METAP2: variants seen among roughly 807,000 people sequenced by gnomAD.
METAP2 encodes methionyl aminopeptidase 2, also known as methionine aminopeptidase 2.
Under a neutral mutation model 59.4 loss-of-function variants are expected in METAP2, and 25 were observed. That is an observed-to-expected ratio of 0.42 (90% CI 0.31 to 0.59). The LOEUF (loss-of-function observed/expected upper bound fraction) is 0.59, where lower values mean the gene tolerates loss of function less well. Ranked by LOEUF, METAP2 falls within the 20% of genes least tolerant of loss-of-function variation. The pLI, the probability that METAP2 is intolerant of heterozygous loss-of-function variation, is 0.16. For synonymous variants in METAP2, 214 were observed against 194.1 expected (o/e 1.10, Z -0.85); for missense variants, 366 against 581.2 (o/e 0.63, Z 3.81).
chr12:95,494,416 T>G (rs2076262459), intron 5 of METAP2, among the ~76,000 whole-genome samples, 199 bp downstream of exon 5: 1 of 152,214 alleles, frequency 6.6e-6, no homozygotes. Context: ...GCCACCCTTT[T>G]GTGTGCACAT....
intron 7 of METAP2, among the ~76,000 whole-genome samples, chr12:95,502,560 G>T (rs1301056792): frequency 2.6e-5 from 4 of 151,746 alleles, no homozygotes; most frequent in Non-Finnish European, 4.4e-5. Context: ...GTGTGGGGGG[G>T]TTTCTTTGAG....
Position 95,513,682 on chromosome 12 carries a change from C to T in METAP2, c.1215C>T (p.Val405=). The T allele has an allele frequency of 1.2e-6, 2 of 1,614,116 alleles. No individual in the cohort carries two copies. Among genetic ancestry groups the T allele is most frequent in the Non-Finnish European group, 1.7e-6 (2 of 1,179,994 alleles). Residue 405 remains valine, a synonymous_variant, in exon 11 of 11, where the codon GTC becomes GTT. Coordinates refer to ENST00000323666, the MANE Select transcript of METAP2 (RefSeq NM_006838.4). ...RLPRTKHLLN[V]INENFGTLAF... Reference sequence around the variant, plus strand: ...CAAGAACAAAACACTTGTTAAATGTCATCAATGAAAACTTTGGAACCCTTG... The same window carrying T: ...CAAGAACAAAACACTTGTTAAATGTTATCAATGAAAACTTTGGAACCCTTG...
intron 6 of METAP2, 106 bp downstream of exon 6, chr12:95,495,244 T>C (rs547519161): frequency 1.1e-6 from 1 of 939,840 alleles, no homozygotes; most frequent in South Asian, 2.1e-5. Context: ...TTGTTCTTGC[T>C]TCCTCATTTC....
chr12:95,490,240 T>C (rs2076227278), intron 4 of METAP2, among the ~76,000 whole-genome samples: 1 of 151,252 alleles, frequency 6.6e-6, no homozygotes, highest in Admixed American at 6.6e-5. Context: ...GTGTTGGGAT[T>C]ACAGGCGTGT....
intron 9 of METAP2, among the ~76,000 whole-genome samples, chr12:95,512,516 A>G (rs1295851360): frequency 6.6e-6 from 1 of 152,188 alleles, no homozygotes; most frequent in Non-Finnish European, 1.5e-5. Context: ...GTTTGAGACC[A>G]TCCTGGCCAA....
At chr12:95,486,057 C>T (rs2076194269) in intron 4 of METAP2, 76 bp downstream of exon 4, 1 of 1,038,344 alleles carries the variant, frequency 9.6e-7, no homozygotes, top group Non-Finnish European at 1.4e-6. Flanking sequence ...TGACATTTCT[C>T]AGAACTTTGC....
chr12:95,485,529 G>A (rs1466644176), intron 3 of METAP2, among the ~76,000 whole-genome samples: 1 of 151,398 alleles, frequency 6.6e-6, no homozygotes, highest in African/African-American at 2.4e-5. Context: ...TATTGCTATA[G>A]GACTTCTTAC....
intron 10 of METAP2, 113 bp from the exon 11 acceptor site, chr12:95,513,539 A>C: frequency 8.2e-7 from 1 of 1,216,828 alleles, no homozygotes; most frequent in South Asian, 1.5e-5. Context: ...GCAACAATAA[A>C]AGTTTTTGGA....
At chr12:95,498,384 G>T (rs2076290943) in intron 7 of METAP2, among the ~76,000 whole-genome samples, 1 of 151,764 alleles carries the variant, frequency 6.6e-6, no homozygotes, top group Non-Finnish European at 1.5e-5. Flanking sequence ...TTCTCATATT[G>T]TGGGTTACCT....
At chr12:95,496,151 T>C in intron 7 of METAP2, 53 bp downstream of exon 7, 1 of 1,180,900 alleles carries the variant, frequency 8.5e-7, no homozygotes, top group African/African-American at 1.5e-5. Context: ...CACTTTAAGG[T>C]CTTTTAAACA....
At chr12:95,476,278 G>A (rs758399029) in intron 2 of METAP2, 100 bp downstream of exon 2, 24 of 654,620 alleles carry the variant, frequency 3.7e-5, no homozygotes, top group African/African-American at 1.7e-4. Context: ...AGGTCGAGGC[G>A]GGTGGATTAC....
intron 4 of METAP2, among the ~76,000 whole-genome samples, chr12:95,491,366 A>G (rs1283877421): frequency 6.6e-6 from 1 of 152,170 alleles, no homozygotes; most frequent in African/African-American, 2.4e-5. Flanking sequence ...AGGTGATACT[A>G]TTCTGTAAGA....
At chr12:95,505,530 G>T (rs1270566320) in intron 8 of METAP2, among the ~76,000 whole-genome samples, 2 of 152,074 alleles carry the variant, frequency 1.3e-5, no homozygotes, top group Middle Eastern at 3.4e-3. Context: ...CTGTCACCCA[G>T]GCTGGAGTGC....
intron 7 of METAP2, 109 bp downstream of exon 7, chr12:95,496,207 G>A (rs111375610): frequency 2.1e-5 from 13 of 609,894 alleles, no homozygotes; most frequent in African/African-American, 1.9e-4. Context: ...AGGGCTTTGG[G>A]TAATTAAGAG....
chr12:95,512,325 T>C (rs1348914427), intron 9 of METAP2, among the ~76,000 whole-genome samples: 1 of 152,004 alleles, frequency 6.6e-6, no homozygotes, highest in Non-Finnish European at 1.5e-5. Flanking sequence ...GACCAAAAAG[T>C]GCTAAGGAGA....
Position 95,502,315 on chromosome 12 carries a change from T to C in METAP2, c.868-1750T>C, listed in dbSNP as rs78060861. Among the ~76,000 whole-genome samples the C allele has an allele frequency of 5.8e-3, 889 of 152,298 alleles. 9 individuals carry two copies. Among genetic ancestry groups the C allele is most frequent in the African/African-American group, 0.02 (845 of 41,562 alleles). The stretch of plus-strand genomic sequence containing the variant: ...GCCACCACGCCTAGCCTGATTTCTT[T>C]CTCACTTTTGAAGGACAGTTTTCCC... On this transcript the variant is annotated intron_variant, in intron 7 of 10. Coordinates refer to ENST00000323666, the MANE Select transcript of METAP2 (RefSeq NM_006838.4).
chr12:95,483,070 C>A, intron 2 of METAP2, 145 bp from the exon 3 acceptor site: 1 of 706,804 alleles, frequency 1.4e-6, no homozygotes, highest in Non-Finnish European at 2.5e-6. Flanking sequence ...TTTCTTATTT[C>A]AGTGAAAGAA....
In METAP2 at chr12:95,474,185, G is replaced by C; in HGVS notation, c.6G>C (p.Ala2=). 2 of 1,613,682 alleles carry C rather than the reference G, an allele frequency of 1.2e-6. No homozygotes were observed. Among genetic ancestry groups the C allele is most frequent in the Non-Finnish European group, 1.7e-6 (2 of 1,179,720 alleles). M[A]GVEEVAASGS... ...CTCGCGCTCTCTCGGGCAACATGGC[G>C]GGTGTGGAGGAGGTAGCGGCCTCCG... The change falls in exon 1 of 11, where the codon GCG becomes GCC. Residue 2 remains alanine, a synonymous_variant. Transcript: ENST00000323666.
chr12:95,496,622 C>G lies in METAP2; in HGVS notation c.867+524C>G, dbSNP rs11108073. Reference sequence around the variant, plus strand: ...GGGGTTTGACAAATATATAATGACACGCATCTACCATTATAGTATCATACA... The same window carrying G: ...GGGGTTTGACAAATATATAATGACAGGCATCTACCATTATAGTATCATACA... On this transcript the variant is annotated intron_variant, in intron 7 of 10. Transcript: ENST00000323666. Among the ~76,000 whole-genome samples, 503 of 152,078 alleles carry G rather than the reference C, an allele frequency of 3.3e-3. 2 individuals carry two copies. Among genetic ancestry groups the G allele is most frequent in the African/African-American group, 0.012 (479 of 41,488 alleles).
Sources: gnomAD v4.1 joint callset for allele counts (sites outside exome capture counted in the v4.1 genomes callset) on GRCh38, gnomAD v4.1.1 for gene constraint, MANE v1.5 for transcripts, NCBI Gene and HGNC (gene_info 2026-07-23, HGNC 2026-07-21) for gene names.